The following MRTFB variants were observed in gnomAD, a reference collection of about 807,000 sequenced individuals.
The protein encoded by MRTFB is myocardin-related transcription factor B.
Under a neutral mutation model 104.2 loss-of-function variants are expected in MRTFB, and 29 were observed. That is an observed-to-expected ratio of 0.28 (90% CI 0.21 to 0.38). The LOEUF (loss-of-function observed/expected upper bound fraction) is 0.38, where lower values mean the gene tolerates loss of function less well. Among genes scored for constraint, MRTFB ranks in the 10% least tolerant of loss-of-function variants. The pLI, the probability that MRTFB is intolerant of heterozygous loss-of-function variation, is 1.00. For missense variants in MRTFB, 1,270 were observed against 1,341.6 expected, an observed-to-expected ratio of 0.95 and a Z score of 0.83; for synonymous variants, 535 against 519.5, an observed-to-expected ratio of 1.03 and a Z score of -0.41.
At chr16:14,096,644 T>TCATA (rs1391340337) in intron 2 of MRTFB, among the ~76,000 whole-genome samples, 1 of 152,218 alleles carries the variant, frequency 6.6e-6, no homozygotes, top group African/African-American at 2.4e-5. Context: ...TGTGATAAGT[T>TCATA]CATAAGCTTA....
At chr16:14,051,946 T>G in the MRTFB span, among the ~76,000 whole-genome samples, 2 of 152,290 alleles carry the variant, frequency 1.3e-5, no homozygotes, top group South Asian at 4.2e-4. Flanking sequence ...ATGCCTTCCC[T>G]CTCGTGAATG....
intron 3 of MRTFB, among the ~76,000 whole-genome samples, chr16:14,145,806 C>G (rs998161609): frequency 2.0e-5 from 3 of 152,148 alleles, no homozygotes; most frequent in African/African-American, 7.2e-5. Flanking sequence ...CATGAGCAGA[C>G]TGGGAATAAA....
chr16:14,195,693 TA>T, intron 3 of MRTFB: 1 of 390,952 alleles, frequency 2.6e-6, no homozygotes, highest in Non-Finnish European at 3.5e-6. Context: ...GAGAACATTC[TA>T]TACAATGTAC....
chr16:14,126,946 AT>A (rs1218392788), intron 2 of MRTFB, among the ~76,000 whole-genome samples: 1 of 152,210 alleles, frequency 6.6e-6, no homozygotes, highest in Non-Finnish European at 1.5e-5. Context: ...CCAGTGAGCA[AT>A]TTTTTAATGG....
intron 2 of MRTFB, among the ~76,000 whole-genome samples, chr16:14,091,008 G>A (rs1375187417): frequency 1.3e-5 from 2 of 151,998 alleles, no homozygotes; most frequent in Non-Finnish European, 2.9e-5. Context: ...ACAGTTGGGT[G>A]TGTCCCATTA....
At chr16:14,248,234 A>C (rs1156235185) in intron 12 of MRTFB, 1 of 152,392 alleles carries the variant, frequency 6.6e-6, no homozygotes, top group Non-Finnish European at 1.5e-5. Flanking sequence ...ATGGAGCACG[A>C]GTGAACAAGA....
chr16:14,127,120 T>A (rs2037151361), intron 2 of MRTFB, among the ~76,000 whole-genome samples: 1 of 152,206 alleles, frequency 6.6e-6, no homozygotes, highest in Admixed American at 6.5e-5. Flanking sequence ...GCTGGGATGG[T>A]GCAGAATAAT....
chr16:14,252,032 G>C lies in MRTFB; in HGVS notation c.2565+9G>C. ...CTAACACACCCAACAAGGTAACCCT[G>C]TGAGGCTTGTGTGTCAGTGACAGTG... is the stretch of plus-strand genomic sequence containing the variant. On this transcript the variant is annotated intron_variant, in intron 14 of 16. Coordinates refer to ENST00000571589, the MANE Select transcript of MRTFB (RefSeq NM_001308142.2). The C allele has an allele frequency of 6.2e-7, 1 of 1,613,212 alleles. No homozygotes were observed. Among genetic ancestry groups the C allele is most frequent in the African/African-American group, 1.3e-5 (1 of 74,998 alleles).
the MRTFB span, among the ~76,000 whole-genome samples, chr16:14,066,121 T>G: frequency 6.6e-6 from 1 of 152,198 alleles, no homozygotes; most frequent in South Asian, 2.1e-4. Flanking sequence ...TTAATACATT[T>G]TTTATTGAAT....
the MRTFB span, among the ~76,000 whole-genome samples, chr16:14,062,848 G>A: frequency 6.6e-6 from 1 of 152,084 alleles, no homozygotes; most frequent in African/African-American, 2.4e-5. Flanking sequence ...CCTCACTTTA[G>A]CCGCTGCTGC....
intron 2 of MRTFB, among the ~76,000 whole-genome samples, chr16:14,102,155 T>TAA (rs199863013): frequency 6.6e-6 from 1 of 150,582 alleles, no homozygotes. Context: ...CTGAGTCTTT[T>TAA]TAAAAAAAAA....
At chr16:14,236,461 A>G (rs1485777920) in intron 9 of MRTFB, among the ~76,000 whole-genome samples, 1 of 152,200 alleles carries the variant, frequency 6.6e-6, no homozygotes, top group African/African-American at 2.4e-5. Flanking sequence ...AAGATCACAA[A>G]TCCCCACCCT....
chr16:14,118,877 C>T (rs958024142), intron 2 of MRTFB, among the ~76,000 whole-genome samples: 1 of 151,688 alleles, frequency 6.6e-6, no homozygotes, highest in Non-Finnish European at 1.5e-5. Context: ...TTGCTTTTTT[C>T]ATTTAGCCTT....
Position 14,140,700 on chromosome 16 carries a change from T to C in MRTFB, c.94T>C (p.Phe32Leu), listed in dbSNP as rs747677455. The C allele has an allele frequency of 6.2e-7, 1 of 1,614,190 alleles. No homozygotes were observed. Among genetic ancestry groups the C allele is most frequent in the Non-Finnish European group, 8.5e-7 (1 of 1,180,028 alleles). Residue 32 changes from phenylalanine to leucine, a missense_variant, in exon 3 of 17, where the codon TTC becomes CTC. Physicochemically the swap from Phe to Leu is conservative, Grantham distance 22. This residue lies in a region of MRTFB where 62 missense variants were observed against 57.2 expected (regional missense o/e 1.08). Transcript: ENST00000571589. Reference sequence around the variant, plus strand: ...TCAGAGTGAAGCTGTGGCTCATGAATTCCAGGAACTCTCCTTGCAGTCCAG... The same window carrying C: ...TCAGAGTGAAGCTGTGGCTCATGAACTCCAGGAACTCTCCTTGCAGTCCAG... ...SPQSEAVAHEFQELSLQSSQN... is the reference protein window; with the variant it reads ...SPQSEAVAHELQELSLQSSQN...
chr16:14,201,072 G>A (rs1307760362), intron 3 of MRTFB: 1 of 1,446,828 alleles, frequency 6.9e-7, no homozygotes, highest in Non-Finnish European at 9.3e-7. Flanking sequence ...GCAACGAGGA[G>A]TGTTGGCTTT....
chr16:14,018,859 C>T, the MRTFB span: 1 of 152,066 alleles, frequency 6.6e-6, no homozygotes, highest in African/African-American at 2.4e-5. Flanking sequence ...AAAACTCTGC[C>T]CATCAGTTTA....
chr16:14,183,157 T>A (rs2039825346), intron 3 of MRTFB, among the ~76,000 whole-genome samples: 1 of 152,212 alleles, frequency 6.6e-6, no homozygotes, highest in African/African-American at 2.4e-5. Context: ...TTAATATACT[T>A]GAATTTGTGT....
chr16:14,061,618 A>G, the MRTFB span, among the ~76,000 whole-genome samples: 3 of 138,032 alleles, frequency 2.2e-5, no homozygotes, highest in Non-Finnish European at 4.5e-5. Context: ...CAGGGCACTC[A>G]ATCTAGTGGT....
At chr16:14,019,564 A>G in the MRTFB span, 1 of 152,110 alleles carries the variant, frequency 6.6e-6, no homozygotes, top group African/African-American at 2.4e-5. Flanking sequence ...CTACAGATTA[A>G]CTTCTGGCTC....
Sources: allele counts gnomAD v4.1 joint callset (sites outside exome capture counted in the v4.1 genomes callset), GRCh38; gene constraint gnomAD v4.1.1; regional missense constraint gnomAD v4.1.1; transcripts MANE v1.5; gene names NCBI Gene and HGNC (gene_info 2026-07-23, HGNC 2026-07-21).